Variants in KLRG1 observed in about 807,000 individuals in gnomAD.
The protein encoded by KLRG1 is killer cell lectin-like receptor subfamily G member 1.
A neutral mutation model predicts 21.8 loss-of-function variants in KLRG1; 16 were observed. The ratio of observed to expected loss-of-function variants is 0.73; its 90% confidence interval spans 0.50 to 1.11. The LOEUF (loss-of-function observed/expected upper bound fraction) is 1.11, where lower values mean the gene tolerates loss of function less well. Among genes scored for constraint, KLRG1 ranks in the 50% most tolerant of loss-of-function variants. The pLI, the probability that KLRG1 is intolerant of heterozygous loss-of-function variation, is 0.00. For missense variants in KLRG1, 173 were observed against 218.3 expected (o/e 0.79, Z 1.31); for synonymous variants, 69 against 75.9 (o/e 0.91, Z 0.47).
At chr12:8,954,572 C>A (rs1472718822) in intron 1 of KLRG1, among the ~76,000 whole-genome samples, 2 of 151,798 alleles carry the variant, frequency 1.3e-5, no homozygotes, top group Non-Finnish European at 2.9e-5. Context: ...TACCCTTATC[C>A]TAGAATCAGT....
chr12:9,104,796 T>C, the KLRG1 span, among the ~76,000 whole-genome samples: 1 of 152,194 alleles, frequency 6.6e-6, no homozygotes, highest in Non-Finnish European at 1.5e-5. Context: ...ATGAAATATT[T>C]TAATCTATTA....
the KLRG1 span, chr12:9,196,342 G>GT: frequency 1.2e-6 from 2 of 1,608,622 alleles, no homozygotes; most frequent in Non-Finnish European, 1.7e-6. Context: ...GTGCAAAAAA[G>GT]GGGATTCCTT....
the KLRG1 span, chr12:9,181,997 A>G: frequency 2.5e-6 from 4 of 1,613,668 alleles, no homozygotes; most frequent in East Asian, 8.9e-5. Context: ...ACAGTTTTCA[A>G]TCTCAAATTT....
At chr12:9,168,869 C>A in the KLRG1 span, 1 of 1,606,764 alleles carries the variant, frequency 6.2e-7, no homozygotes, top group Non-Finnish European at 8.5e-7. Context: ...GCTGTTTTAC[C>A]TCCATAGTAT....
At chr12:9,053,566 G>A in the KLRG1 span, among the ~76,000 whole-genome samples, 7 of 151,952 alleles carry the variant, frequency 4.6e-5, no homozygotes, top group Non-Finnish European at 7.4e-5. Flanking sequence ...TCACCACTAA[G>A]GAAACCATCC....
At chr12:9,122,670 C>T in the KLRG1 span, among the ~76,000 whole-genome samples, 1 of 151,996 alleles carries the variant, frequency 6.6e-6, no homozygotes, top group Non-Finnish European at 1.5e-5. Flanking sequence ...GGTCCCTAAA[C>T]CCACAATTTA....
the KLRG1 span, among the ~76,000 whole-genome samples, chr12:9,085,667 A>G: frequency 2.0e-5 from 3 of 152,076 alleles, no homozygotes; most frequent in Non-Finnish European, 2.9e-5. Context: ...TAGAGCAGAA[A>G]TAAATCAAAT....
chr12:9,208,932 C>T, the KLRG1 span, among the ~76,000 whole-genome samples: 1 of 152,132 alleles, frequency 6.6e-6, no homozygotes, highest in African/African-American at 2.4e-5. Flanking sequence ...TATCAAAGAT[C>T]ACACTTGTCT....
the KLRG1 span, chr12:9,095,675 T>G: frequency 6.2e-7 from 1 of 1,610,242 alleles, no homozygotes; most frequent in Non-Finnish European, 8.5e-7. Flanking sequence ...GCCAGTGAGG[T>G]CCTTTTCTGG....
the KLRG1 span, among the ~76,000 whole-genome samples, chr12:9,070,089 G>A: frequency 6.6e-6 from 1 of 152,156 alleles, no homozygotes; most frequent in African/African-American, 2.4e-5. Context: ...GTTCAATTCA[G>A]TTTCTATTTC....
chr12:8,995,426 C>T, intron 3 of KLRG1, 138 bp downstream of exon 3: 1 of 727,530 alleles, frequency 1.4e-6, no homozygotes, highest in Non-Finnish European at 2.2e-6. Flanking sequence ...CTATATTCTT[C>T]CCCTTCCCTC....
intron 1 of KLRG1, among the ~76,000 whole-genome samples, chr12:8,973,787 A>G (rs1349375153): frequency 6.6e-6 from 1 of 152,188 alleles, no homozygotes; most frequent in African/African-American, 2.4e-5. Context: ...GGCTAAATAG[A>G]AATAAATTCT....
chr12:8,976,930 T>C (rs1489756952), intron 1 of KLRG1, among the ~76,000 whole-genome samples: 1 of 152,040 alleles, frequency 6.6e-6, no homozygotes, highest in African/African-American at 2.4e-5. Context: ...GTATTTTTTT[T>C]AGTAGAAACG....
Position 9,009,765 on chromosome 12 carries a change from A to G in KLRG1, c.*228A>G, listed in dbSNP as rs943412000. 3.0e-5 allele frequency: 43 copies of G among 1,415,636 alleles called. No homozygotes were observed. In the South Asian group the frequency reaches 6.9e-4, roughly 23 times the overall value. The allele number at this position is 1,415,636 out of a possible 1,614,324, so 87.7% of individuals were successfully genotyped here. ...GCAATTTAAAGACCAGATCTAAGCA[A>G]ATTTTGAAATAGATGTTTGTTTTTT... On this transcript the variant is annotated 3_prime_UTR_variant, in exon 5 of 5. Transcript: ENST00000356986.
the KLRG1 span, among the ~76,000 whole-genome samples, chr12:9,173,621 A>T: frequency 6.6e-6 from 1 of 152,174 alleles, no homozygotes; most frequent in Non-Finnish European, 1.5e-5. Flanking sequence ...AATCAAGTAG[A>T]CACAATCAGA....
At chr12:9,076,663 C>G in the KLRG1 span, 4 of 1,137,730 alleles carry the variant, frequency 3.5e-6, no homozygotes, top group African/African-American at 1.5e-5. Context: ...AGAGAGGAGA[C>G]AGGGATCACA....
chr12:9,079,692 G>A, the KLRG1 span: 14 of 1,613,628 alleles, frequency 8.7e-6, no homozygotes, highest in Non-Finnish European at 1.2e-5. Flanking sequence ...AAGCTGCTGT[G>A]TTTCATTTAG....
At chr12:9,168,772 T>C in the KLRG1 span, 1 of 893,478 alleles carries the variant, frequency 1.1e-6, no homozygotes, top group Non-Finnish European at 1.8e-6. Context: ...TTTGTGTGTA[T>C]AAAGTGGAAA....
At chr12:9,154,768 G>C in the KLRG1 span, 2 of 1,614,146 alleles carry the variant, frequency 1.2e-6, no homozygotes, top group Non-Finnish European at 1.7e-6. Context: ...TCAGCAGAGG[G>C]AGCCTGGGTT....
Sources: gnomAD v4.1 joint callset for allele counts (sites outside exome capture counted in the v4.1 genomes callset) on GRCh38, gnomAD v4.1.1 for gene constraint, MANE v1.5 for transcripts, NCBI Gene and HGNC (gene_info 2026-07-23, HGNC 2026-07-21) for gene names.